The following SUV39H2 variants were observed in gnomAD, a reference collection of about 807,000 sequenced individuals.
The protein encoded by SUV39H2 is SUV39H2 histone lysine methyltransferase.
In SUV39H2, 10 loss-of-function variants were observed where a neutral mutation model predicts 47.5. The observed-to-expected ratio is 0.21, with a 90% CI of 0.13 to 0.36. SUV39H2 has a LOEUF of 0.36. Among genes scored for constraint, SUV39H2 ranks in the 10% least tolerant of loss-of-function variants. SUV39H2 has a pLI of 1.00. For missense variants in SUV39H2, 266 were observed against 487.4 expected (o/e 0.55, Z 4.28); for synonymous variants, 159 against 166.8 (o/e 0.95, Z 0.36).
At chr10:14,899,264 G>A in intron 3 of SUV39H2, 1 of 702,066 alleles carries the variant, frequency 1.4e-6, no homozygotes. Flanking sequence ...AGGATACAGG[G>A]AGTCATGATG....
chr10:14,887,429 T>G (rs1034339081), intron 2 of SUV39H2, among the ~76,000 whole-genome samples: 17 of 152,162 alleles, frequency 1.1e-4, no homozygotes, highest in Admixed American at 2.0e-4. Context: ...GGGACCCATT[T>G]CCAGTGGGTT....
At chr10:14,883,704 CAAAAAA>C (rs58522342) in intron 2 of SUV39H2, among the ~76,000 whole-genome samples, 796 of 49,960 alleles carry the variant, frequency 0.016, 6 homozygotes, top group African/African-American at 0.035. Flanking sequence ...GACTCAGTCT[CAAAAAA>C]AAAAAAAAAA....
rs112796645 is a variant in SUV39H2 at position 14,899,533 on chromosome 10, G to C, written c.850-6G>C. On this transcript the variant is annotated splice_region_variant and splice_polypyrimidine_tract_variant and intron_variant, in intron 3 of 5. Transcript: ENST00000354919. ...ACGTAATATACTTACAGTTTTTTCT[G>C]TTTAGGTAATCACAAGTGAAGAAGC... 2,113 of 1,612,212 alleles carry C rather than the reference G, an allele frequency of 1.3e-3. 25 individuals carry two copies. The African/African-American group carries it at 0.025, about 19-fold the overall frequency.
chr10:14,891,940 A>G (rs1001843301), intron 2 of SUV39H2, among the ~76,000 whole-genome samples: 1 of 152,214 alleles, frequency 6.6e-6, no homozygotes, highest in Non-Finnish European at 1.5e-5. Flanking sequence ...CCCGGAATCT[A>G]AATATCCTGA....
intron 2 of SUV39H2, among the ~76,000 whole-genome samples, chr10:14,882,023 A>G (rs1299175268): frequency 6.6e-6 from 1 of 152,236 alleles, no homozygotes. Context: ...GACTCTCAAG[A>G]ACATCACCAT....
intron 3 of SUV39H2, 111 bp downstream of exon 3, chr10:14,897,628 T>C (rs1788876735): frequency 1.0e-6 from 1 of 952,498 alleles, no homozygotes; most frequent in Non-Finnish European, 1.4e-6. Flanking sequence ...TATTTTCATT[T>C]GCAGATATGT....
At position 14,883,114 on chromosome 10, in the gene SUV39H2, G is replaced by A. The variant is rs535970587; in HGVS notation, c.177+1469G>A. On this transcript the variant is annotated intron_variant, in intron 2 of 5. Transcript: ENST00000354919. ...AAACTCCTGACCTCATGATCTGCCC[G>A]CCTTGGCCTCCCAAAGTGCTGGGAT... Among the ~76,000 whole-genome samples, 19 of 152,012 alleles carry A rather than the reference G, an allele frequency of 1.2e-4. No individual in the cohort carries two copies. The East Asian group carries it at 3.5e-3, about 28-fold the overall frequency.
chr10:14,896,742 G>GA (rs1454465051), intron 2 of SUV39H2, 104 bp from the exon 3 acceptor site: 8 of 943,602 alleles, frequency 8.5e-6, no homozygotes, highest in Non-Finnish European at 1.1e-5. Flanking sequence ...CTGTTAGTAA[G>GA]AAAAATGGTA....
rs1452984482 is a variant in SUV39H2, at chr10:14,894,367, T to G, written c.178-2479T>G. ...AAAAGAAAGCAAAGTTTTTTTTTTT[T>G]TTTTTTTTTTTTTTTTTTGAGACGG... is the stretch of plus-strand genomic sequence containing the variant. On this transcript the variant is annotated intron_variant, in intron 2 of 5. Coordinates refer to ENST00000354919, the MANE Select transcript of SUV39H2 (RefSeq NM_001193424.2). 4.5e-4 allele frequency among the ~76,000 whole-genome samples: 23 copies of G among 51,312 alleles called. 7 individuals carry two copies. The highest frequency in any genetic ancestry group is 1.7e-3 in the Admixed American group (9 of 5,234). 33.7% of individuals were successfully genotyped at this position (51,312 alleles called of 152,430 possible). A position where few individuals can be genotyped will look rare whatever the true frequency, so the allele number is the denominator to read the frequency against.
At chr10:14,899,780 C>A in intron 4 of SUV39H2, 95 bp downstream of exon 4, 1 of 1,391,886 alleles carries the variant, frequency 7.2e-7, no homozygotes, top group South Asian at 1.4e-5. Flanking sequence ...ACTACATATC[C>A]TTTTAACATT....
chr10:14,886,247 T>C (rs1833204419), intron 2 of SUV39H2, among the ~76,000 whole-genome samples: 1 of 152,076 alleles, frequency 6.6e-6, no homozygotes. Context: ...TACTACCATT[T>C]CTCTTCCCTG....
chr10:14,898,202 CTTTTTTTT>C (rs919860514), intron 3 of SUV39H2: 18 of 56,148 alleles, frequency 3.2e-4, no homozygotes, highest in Admixed American at 1.2e-3. Flanking sequence ...AGTACTGTTT[CTTTTTTTT>C]TTTTTTTTTT....
At chr10:14,899,126 T>A (rs1268878024) in intron 3 of SUV39H2, 8 of 666,116 alleles carry the variant, frequency 1.2e-5, no homozygotes, top group Non-Finnish European at 2.2e-5. Context: ...TCCAGACCAG[T>A]GTGGGCAACA....
At chr10:14,881,779 G>A in intron 2 of SUV39H2, 134 bp downstream of exon 2, 6 of 788,212 alleles carry the variant, frequency 7.6e-6, no homozygotes, top group Non-Finnish European at 1.1e-5. Flanking sequence ...AAATTTATAT[G>A]TCCTATCATC....
At chr10:14,896,608 T>C (rs545739191) in intron 2 of SUV39H2, among the ~76,000 whole-genome samples, 2 of 152,250 alleles carry the variant, frequency 1.3e-5, no homozygotes, top group Non-Finnish European at 2.9e-5. Context: ...TAAAACTCTT[T>C]AGCCTCTTAT....
rs528122115 is a variant in SUV39H2 at position 14,901,269 on chromosome 10, T to G, written c.1126+7T>G. ...TTTGATTATCAAATGAAAGGTATGC[T>G]TTTCAAGTACAGTTTCATTGGTGTC... On this transcript the variant is annotated splice_region_variant and intron_variant, in intron 5 of 5. Coordinates refer to ENST00000354919, the MANE Select transcript of SUV39H2 (RefSeq NM_001193424.2). 67 of 1,613,494 alleles carry G rather than the reference T, an allele frequency of 4.2e-5. 1 individual carries two copies. The highest frequency in any genetic ancestry group is 5.6e-5 in the Non-Finnish European group (66 of 1,179,724).
rs571289495 is a variant in SUV39H2, at chr10:14,903,556, T to C, written c.*1044T>C. 1 of 152,090 alleles carries C rather than the reference T, an allele frequency of 6.6e-6. No individual in the cohort carries two copies. The highest frequency in any genetic ancestry group is 1.5e-5 in the Non-Finnish European group (1 of 68,014). 9.4% of individuals were successfully genotyped at this position (152,090 alleles called of 1,614,324 possible). A position where few individuals can be genotyped will look rare whatever the true frequency, so the allele number is the denominator to read the frequency against. ...AACTGATACTTGTTTTATACATAAATTTTTTTTAGATGTGATAAAGCTAAA... is the reference window on the plus strand; with the variant it reads ...AACTGATACTTGTTTTATACATAAACTTTTTTTAGATGTGATAAAGCTAAA... On this transcript the variant is annotated 3_prime_UTR_variant, in exon 6 of 6. Coordinates refer to ENST00000354919, the MANE Select transcript of SUV39H2 (RefSeq NM_001193424.2).
chr10:14,888,630 G>T (rs1020744734), intron 2 of SUV39H2, among the ~76,000 whole-genome samples: 10 of 150,480 alleles, frequency 6.6e-5, no homozygotes, highest in African/African-American at 2.4e-4. Context: ...GCGAGACTCG[G>T]TCTCAAAAAA....
At chr10:14,899,484 G>T in intron 3 of SUV39H2, 55 bp from the exon 4 acceptor site, 1 of 1,583,070 alleles carries the variant, frequency 6.3e-7, no homozygotes, top group South Asian at 1.1e-5. Flanking sequence ...ATAGGTAGAT[G>T]AATGCTTCTT....
Sources: allele counts gnomAD v4.1 joint callset (sites outside exome capture counted in the v4.1 genomes callset), GRCh38; gene constraint gnomAD v4.1.1; transcripts MANE v1.5; gene names NCBI Gene and HGNC (gene_info 2026-07-23, HGNC 2026-07-21).